Variants in ARHGEF10L observed in about 807,000 individuals in gnomAD.
ARHGEF10L encodes the protein Rho guanine nucleotide exchange factor 10 like, also known as rho guanine nucleotide exchange factor 10-like protein.
A neutral mutation model predicts 141.2 loss-of-function variants in ARHGEF10L; 69 were observed. The ratio of observed to expected loss-of-function variants is 0.49; its 90% CI spans 0.40 to 0.60. ARHGEF10L has a LOEUF of 0.60. ARHGEF10L is among the 20% of genes least tolerant of loss of function. The probability of loss-of-function intolerance (pLI) is 0.00; values close to 1 mark genes in which losing one functional copy is unlikely to be tolerated. For synonymous variants in ARHGEF10L, 711 were observed against 718.5 expected (o/e 0.99, Z 0.17); for missense variants, 1,482 against 1,734.3 (o/e 0.85, Z 2.58).
At chr1:17,527,371 G>T in the ARHGEF10L span, among the ~76,000 whole-genome samples, 2 of 152,174 alleles carry the variant, frequency 1.3e-5, no homozygotes, top group Non-Finnish European at 2.9e-5. Context: ...CCTGGCGGGT[G>T]CTCCACACAC....
intron 18 of ARHGEF10L, among the ~76,000 whole-genome samples, chr1:17,636,256 C>T (rs953287031): frequency 6.6e-6 from 1 of 152,170 alleles, no homozygotes; most frequent in Non-Finnish European, 1.5e-5. Flanking sequence ...ACCAGAGTCA[C>T]GTACTGCCAG....
At chr1:17,594,262 G>A (rs61764908) in intron 4 of ARHGEF10L, among the ~76,000 whole-genome samples, 1 of 152,090 alleles carries the variant, frequency 6.6e-6, no homozygotes, top group Non-Finnish European at 1.5e-5. Flanking sequence ...GCATTCTAGA[G>A]ATGTGGGAAC....
chr1:17,526,358 A>G, the ARHGEF10L span, among the ~76,000 whole-genome samples: 10 of 152,174 alleles, frequency 6.6e-5, no homozygotes, highest in Non-Finnish European at 1.5e-4. Flanking sequence ...CGTTTGTGGG[A>G]GAAGAGGCCT....
At position 17,625,778 on chromosome 1, in the gene ARHGEF10L, G is replaced by A. The variant is rs530568586; in HGVS notation, c.1318-178G>A. On this transcript the variant is annotated intron_variant, in intron 13 of 28. Coordinates refer to ENST00000361221, the MANE Select transcript of ARHGEF10L (RefSeq NM_018125.4). This position sits in a 1 kb window ranked among gnomAD's most constrained non-coding sequence, Gnocchi z 4.5. ...CGCGGCCATGCAGGGGCACTGGTGG[G>A]AGAGGGATCCCTGGCTGCAGAACCA... Among the ~76,000 whole-genome samples the A allele has an allele frequency of 1.3e-5, 2 of 152,286 alleles. No individual in the cohort carries two copies. The highest frequency in any genetic ancestry group is 3.9e-4 in the East Asian group (2 of 5,168).
chr1:17,617,824 C>T (rs1042875271), intron 9 of ARHGEF10L, among the ~76,000 whole-genome samples: 1 of 152,088 alleles, frequency 6.6e-6, no homozygotes, highest in Non-Finnish European at 1.5e-5. Flanking sequence ...ATGTAGCAGA[C>T]GTTATTCTTG....
At chr1:17,635,262 TG>T (rs112958534) in intron 18 of ARHGEF10L, among the ~76,000 whole-genome samples, 8 of 152,292 alleles carry the variant, frequency 5.3e-5, no homozygotes, top group African/African-American at 1.7e-4. Flanking sequence ...TCACATTGGC[TG>T]CCACACACTC....
At chr1:17,638,813 G>A (rs1303284686) in intron 20 of ARHGEF10L, 124 bp downstream of exon 20, 13 of 1,408,672 alleles carry the variant, frequency 9.2e-6, no homozygotes, top group African/African-American at 8.6e-5. Context: ...GAGTGGATAT[G>A]TAGGCATCGT....
At chr1:17,567,106 C>T (rs982230063) in intron 1 of ARHGEF10L, among the ~76,000 whole-genome samples, 3 of 152,234 alleles carry the variant, frequency 2.0e-5, no homozygotes, top group Non-Finnish European at 4.4e-5. Flanking sequence ...ACAGGACGAC[C>T]TTGGATAGAC....
Position 17,607,966 on chromosome 1 carries a change from T to A in ARHGEF10L, c.598T>A (p.Phe200Ile). Residue 200 changes from phenylalanine (F) to isoleucine (I), a missense_variant, in exon 7 of 29, where the codon TTC becomes ATC. Physicochemically the swap from Phe to Ile is conservative, Grantham distance 21. Around this residue, in one of 3 missense-constraint regions of ARHGEF10L, gnomAD observed 392 missense variants for 542.1 expected, o/e 0.72. Coordinates refer to ENST00000361221, the MANE Select transcript of ARHGEF10L (RefSeq NM_018125.4). The surrounding 1 kb of genome is among the most constrained non-coding windows in gnomAD (Gnocchi z 4.5). The stretch of plus-strand genomic sequence containing the variant: ...CGAGCCCGCCAAGCACCGAGTGTCC[T>A]TCCAGCCCAAGGTGAGGGGACCGGG... ...EVEPAKHRVS[F>I]QPKLSPDLTR... 6.8e-7 allele frequency: 1 copy of A among 1,463,156 alleles called. No homozygotes were observed. Among genetic ancestry groups the A allele is most frequent in the Non-Finnish European group, 9.0e-7 (1 of 1,105,642 alleles). 90.6% of individuals were successfully genotyped at this position (1,463,156 alleles called of 1,614,324 possible).
chr1:17,673,345 G>GA lies in ARHGEF10L; in HGVS notation c.3009+8751dup, dbSNP rs2063446239. On this transcript the variant is annotated intron_variant, in intron 26 of 28. Transcript: ENST00000361221. The surrounding 1 kb of genome is among the most constrained non-coding windows in gnomAD (Gnocchi z 4.1). Reference sequence around the variant, plus strand: ...TCCCCTCTGAGCCCGGCAGCAGGGAGAGGGGGAGGGCAGATGCCCAAGGGG... The same window carrying GA: ...TCCCCTCTGAGCCCGGCAGCAGGGAGAAGGGGGAGGGCAGATGCCCAAGGGG... Among the ~76,000 whole-genome samples the GA allele has an allele frequency of 6.6e-6, 1 of 152,260 alleles. No individual in the cohort carries two copies. The highest frequency in any genetic ancestry group is 2.1e-4 in the South Asian group (1 of 4,830).
intron 17 of ARHGEF10L, 60 bp from the exon 18 acceptor site, chr1:17,634,775 C>T: frequency 6.5e-7 from 1 of 1,526,978 alleles, no homozygotes; most frequent in Non-Finnish European, 8.8e-7. Flanking sequence ...ATGCCCTGGG[C>T]CAGCCCTGGG....
In ARHGEF10L at chr1:17,616,176, C is replaced by G. The variant is rs1373884931; in HGVS notation, c.809C>G (p.Ser270Cys). 3 of 1,613,706 alleles carry G rather than the reference C, an allele frequency of 1.9e-6. No homozygotes were observed. The highest frequency in any genetic ancestry group is 1.1e-5 in the South Asian group (1 of 91,078). Residue 270 changes from serine to cysteine, a missense_variant, in exon 9 of 29, where the codon TCC becomes TGC. Transcript: ENST00000361221. ...KTRMAVMRKV[S>C]FLHRKDVLGD... ...CGGATGGCCGTGATGCGCAAAGTCT[C>G]CTTCCTGCACAGGAAGGACGTCCTC...
the ARHGEF10L span, among the ~76,000 whole-genome samples, chr1:17,517,169 T>C: frequency 2.0e-5 from 3 of 152,172 alleles, no homozygotes; most frequent in Admixed American, 2.0e-4. Context: ...GACTTTGGAT[T>C]TGGTCAGCCC....
the ARHGEF10L span, among the ~76,000 whole-genome samples, chr1:17,522,279 G>A: frequency 6.6e-6 from 1 of 152,228 alleles, no homozygotes; most frequent in South Asian, 2.1e-4. Context: ...GTTAATGAGG[G>A]CAGCGCCTCA....
At chr1:17,689,137 C>A (rs1271160506) in intron 27 of ARHGEF10L, among the ~76,000 whole-genome samples, 1 of 152,002 alleles carries the variant, frequency 6.6e-6, no homozygotes, top group Non-Finnish European at 1.5e-5. Flanking sequence ...GAGGCAGGAC[C>A]ACAGTCACAT....
chr1:17,653,288 C>T (rs1331369997), intron 22 of ARHGEF10L, among the ~76,000 whole-genome samples: 2 of 152,226 alleles, frequency 1.3e-5, no homozygotes, highest in Non-Finnish European at 2.9e-5. Flanking sequence ...GTGCTCCCCT[C>T]CTCTCTTCTG....
At chr1:17,680,682 T>G (rs1412674914) in intron 26 of ARHGEF10L, among the ~76,000 whole-genome samples, 1 of 151,394 alleles carries the variant, frequency 6.6e-6, no homozygotes, top group Admixed American at 6.6e-5. Context: ...ACTGAGTCAC[T>G]GGGTAGTGGG....
chr1:17,532,955 T>C, the ARHGEF10L span, among the ~76,000 whole-genome samples: 2 of 152,186 alleles, frequency 1.3e-5, no homozygotes, highest in Non-Finnish European at 2.9e-5. Flanking sequence ...GTGCTGGGTA[T>C]ACCTTGTGCC....
chr1:17,632,531 A>G, intron 16 of ARHGEF10L, 65 bp downstream of exon 16: 19 of 1,603,430 alleles, frequency 1.2e-5, no homozygotes, highest in Non-Finnish European at 1.5e-5. Flanking sequence ...GCCCTACTCC[A>G]GTCTCTTGGC....
Sources: gnomAD v4.1 joint callset for allele counts (sites outside exome capture counted in the v4.1 genomes callset) on GRCh38, gnomAD v4.1.1 for gene constraint, gnomAD v4.1.1 regional missense constraint, Gnocchi (gnomAD v3.1) non-coding constraint, MANE v1.5 for transcripts, NCBI Gene and HGNC (gene_info 2026-07-23, HGNC 2026-07-21) for gene names.